The following NRBF2 variants were observed in gnomAD, a reference collection of about 807,000 sequenced individuals.
NRBF2 encodes the protein nuclear receptor binding factor 2, also known as nuclear receptor-binding factor 2.
Under a neutral mutation model 28.5 loss-of-function variants are expected in NRBF2, and 12 were observed. The observed-to-expected ratio is 0.42, with a 90% confidence interval of 0.27 to 0.68. The LOEUF (loss-of-function observed/expected upper bound fraction) is 0.68, where lower values mean the gene tolerates loss of function less well. NRBF2 is among the 30% of genes least tolerant of loss of function. The pLI is 0.24. For synonymous variants in NRBF2, 102 were observed against 116.5 expected (o/e 0.88, Z 0.80); for missense variants, 274 against 333.5 (o/e 0.82, Z 1.39).
Position 63,133,499 on chromosome 10 carries a change from T to C in NRBF2, c.29T>C (p.Leu10Pro), listed in dbSNP as rs1841320981. 2 of 1,608,396 alleles carry C rather than the reference T, an allele frequency of 1.2e-6. No homozygotes were observed. The highest frequency in any genetic ancestry group is 1.7e-6 in the Non-Finnish European group (2 of 1,175,900). MEVMEGPLN[L>P]AHQQSRRADR... is the part of the protein sequence containing the mutation. ...GAAGTAATGGAAGGACCCCTCAACC[T>C]GGTGAGTGTCCCACAGAATATAGCG... Residue 10 changes from leucine (L) to proline (P), a missense_variant and splice_region_variant, in exon 1 of 4, where the codon CTG (leucine) becomes CCG (proline). Coordinates refer to ENST00000277746, the MANE Select transcript of NRBF2 (RefSeq NM_030759.5).
chr10:63,153,259 A>G (rs1262224655), intron 3 of NRBF2, among the ~76,000 whole-genome samples: 1 of 152,228 alleles, frequency 6.6e-6, no homozygotes, highest in Non-Finnish European at 1.5e-5. Flanking sequence ...TAATATGTCT[A>G]CAGAGGAAAG....
At position 63,154,272 on chromosome 10, in the gene NRBF2, C is replaced by T; in HGVS notation, c.*54C>T. 1 of 1,162,124 alleles carries T rather than the reference C, an allele frequency of 8.6e-7. No homozygotes were observed. The highest frequency in any genetic ancestry group is 1.2e-6 in the Non-Finnish European group (1 of 808,854). 72.0% of individuals were successfully genotyped at this position (1,162,124 alleles called of 1,614,324 possible). ...AGGAAATAATACAGTAATCGTTAAT[C>T]CAGCAAAAAGAAATGAAAAGGGAAA... On this transcript the variant is annotated 3_prime_UTR_variant, in exon 4 of 4. Transcript: ENST00000277746.
chr10:63,133,513 C>G lies in NRBF2; in HGVS notation c.30+13C>G. ...ACCCCTCAACCTGGTGAGTGTCCCA[C>G]AGAATATAGCGTTCGTCTTGGGTGC... On this transcript the variant is annotated intron_variant, in intron 1 of 3. Coordinates refer to ENST00000277746, the MANE Select transcript of NRBF2 (RefSeq NM_030759.5). The G allele has an allele frequency of 6.3e-7, 1 of 1,593,636 alleles. No homozygotes were observed. Among genetic ancestry groups the G allele is most frequent in the South Asian group, 1.1e-5 (1 of 90,590 alleles).
chr10:63,134,023 T>TTCCCCCTCCTCACCCTCCACG (rs1841335926), intron 1 of NRBF2, among the ~76,000 whole-genome samples: 1 of 118,556 alleles, frequency 8.4e-6, no homozygotes. Flanking sequence ...CACCCTCCAC[T>TTCCCCCTCCTCACCCTCCACG]TCCCCCTCAT....
chr10:63,142,113 C>G (rs1841478905), intron 1 of NRBF2, among the ~76,000 whole-genome samples: 2 of 151,978 alleles, frequency 1.3e-5, no homozygotes, highest in South Asian at 4.2e-4. Context: ...AATATCCATA[C>G]TAGAAGAAAG....
chr10:63,149,202 C>T (rs1165526622), intron 2 of NRBF2, among the ~76,000 whole-genome samples: 1 of 152,124 alleles, frequency 6.6e-6, no homozygotes, highest in Non-Finnish European at 1.5e-5. Context: ...CTGCAACCTC[C>T]GCCTCCCAGG....
At chr10:63,135,862 G>A (rs901329070) in intron 1 of NRBF2, among the ~76,000 whole-genome samples, 1 of 152,074 alleles carries the variant, frequency 6.6e-6, no homozygotes, top group African/African-American at 2.4e-5. Context: ...GGCCAGGATG[G>A]TCTCGATCTC....
rs1841640214 is a variant in NRBF2 at position 63,151,017 on chromosome 10, C to A, written c.116-1133C>A. ...TCACTGGCTTGCCTGCTGCTCACTT[C>A]CTGCTGTCTGTGTGGCCCAGTTCCT... is the stretch of plus-strand genomic sequence containing the variant. On this transcript the variant is annotated intron_variant, in intron 2 of 3. Transcript: ENST00000277746. 2.0e-5 allele frequency among the ~76,000 whole-genome samples: 3 copies of A among 152,328 alleles called. No individual in the cohort carries two copies. The South Asian group carries it at 6.2e-4, about 32-fold the overall frequency.
At chr10:63,140,233 G>C (rs929103927) in intron 1 of NRBF2, among the ~76,000 whole-genome samples, 2 of 152,032 alleles carry the variant, frequency 1.3e-5, no homozygotes, top group Non-Finnish European at 2.9e-5. Flanking sequence ...TTTACAAAAC[G>C]AATCATCTGT....
At chr10:63,134,936 C>G (rs569555084) in intron 1 of NRBF2, among the ~76,000 whole-genome samples, 11 of 152,134 alleles carry the variant, frequency 7.2e-5, no homozygotes, top group Non-Finnish European at 1.0e-4. Flanking sequence ...GCCTGTAATC[C>G]CAGCACTTTG....
Position 63,148,498 on chromosome 10 carries a change from G to C in NRBF2, c.115+2205G>C, listed in dbSNP as rs562157904. ...TATTTGGAAATCATTTTAGAGATGT[G>C]ACAAGGAAAGATCAACATCTGAGAA... On this transcript the variant is annotated intron_variant, in intron 2 of 3. Transcript: ENST00000277746. 1.6e-3 allele frequency among the ~76,000 whole-genome samples: 247 copies of C among 152,304 alleles called. 3 individuals are homozygous for C. Among genetic ancestry groups the C allele is most frequent in the Middle Eastern group, 3.4e-3 (1 of 294 alleles).
At chr10:63,151,999 GAAGTT>G in intron 2 of NRBF2, 146 bp from the exon 3 acceptor site, 1 of 502,298 alleles carries the variant, frequency 2.0e-6, no homozygotes, top group Non-Finnish European at 3.6e-6. Flanking sequence ...CCTTTTGGGG[GAAGTT>G]AAGAATTCTT....
Position 63,154,300 on chromosome 10 carries a change from C to A in NRBF2, c.*82C>A, listed in dbSNP as rs1834216490. The stretch of plus-strand genomic sequence containing the variant: ...GCAAAAAGAAATGAAAAGGGAAAAC[C>A]ACATAGAAGGGTAATCCCGGAAATG... On this transcript the variant is annotated 3_prime_UTR_variant, in exon 4 of 4. Coordinates refer to ENST00000277746, the MANE Select transcript of NRBF2 (RefSeq NM_030759.5). 1.1e-6 allele frequency: 1 copy of A among 922,392 alleles called. No homozygotes were observed. Among genetic ancestry groups the A allele is most frequent in the Non-Finnish European group, 1.6e-6 (1 of 606,950 alleles). 57.1% of individuals were successfully genotyped at this position (922,392 alleles called of 1,614,324 possible).
At chr10:63,138,572 G>A (rs555128629) in intron 1 of NRBF2, among the ~76,000 whole-genome samples, 7 of 150,882 alleles carry the variant, frequency 4.6e-5, no homozygotes, top group Non-Finnish European at 7.4e-5. Flanking sequence ...GTGAAACCCC[G>A]TCTCTACTAA....
intron 1 of NRBF2, among the ~76,000 whole-genome samples, chr10:63,138,722 C>T (rs35621825): frequency 6.2e-4 from 75 of 120,866 alleles, no homozygotes; most frequent in African/African-American, 1.9e-3. Flanking sequence ...CCAGCCTGGG[C>T]GACAGAGCGA....
At position 63,133,412 on chromosome 10, in the gene NRBF2, C is replaced by T. The variant is rs766309639; in HGVS notation, c.-59C>T. 1.5e-5 allele frequency: 24 copies of T among 1,606,024 alleles called. No individual in the cohort carries two copies. Among genetic ancestry groups the T allele is most frequent in the Middle Eastern group, 1.7e-4 (1 of 6,048 alleles). ...CTGCGTCGAGCTCCCTTGCAGTCCC[C>T]TCCATGTTCCCCGGCGCCACTACTC... On this transcript the variant is annotated 5_prime_UTR_variant, in exon 1 of 4. Coordinates refer to ENST00000277746, the MANE Select transcript of NRBF2 (RefSeq NM_030759.5).
chr10:63,154,457 G>A lies in NRBF2; in HGVS notation c.*239G>A, dbSNP rs548484386. ...CTTGGCAGACGCTAAACTCATGGAG[G>A]TTCGGTTTCTCCTGATACAAACCAA... On this transcript the variant is annotated 3_prime_UTR_variant, in exon 4 of 4. Transcript: ENST00000277746. 5.6e-6 allele frequency: 2 copies of A among 358,900 alleles called. No homozygotes were observed. The highest frequency in any genetic ancestry group is 9.2e-5 in the East Asian group (2 of 21,700). 22.2% of individuals were successfully genotyped at this position (358,900 alleles called of 1,614,324 possible).
At position 63,153,652 on chromosome 10, in the gene NRBF2, A is replaced by G. The variant is rs1419660185; in HGVS notation, c.298A>G (p.Thr100Ala). 1.9e-6 allele frequency: 3 copies of G among 1,611,954 alleles called. No homozygotes were observed. Among genetic ancestry groups the G allele is most frequent in the Non-Finnish European group, 2.5e-6 (3 of 1,179,816 alleles). Residue 100 changes from threonine (T) to alanine (A), a missense_variant, in exon 4 of 4, where the codon ACA becomes GCA. By Grantham distance (58) the Thr-to-Ala change is moderately conservative. Transcript: ENST00000277746. ...TDKDAAAHLQTSHKPSAEDAE... is the reference protein window; with the variant it reads ...TDKDAAAHLQASHKPSAEDAE... Reference sequence around the variant, plus strand: ...CAAGGATGCAGCTGCCCATCTTCAGACATCTCACAAACCCTCTGCAGAGGA... The same window carrying G: ...CAAGGATGCAGCTGCCCATCTTCAGGCATCTCACAAACCCTCTGCAGAGGA...
rs139572307 is a variant in NRBF2, at chr10:63,143,093, T to C, written c.31-3116T>C. ...ACTGCGCCCAGCCTACCCAGTCATT[T>C]CTTGTGACCTATTGTTGTTCCCAGG... On this transcript the variant is annotated intron_variant, in intron 1 of 3. Coordinates refer to ENST00000277746, the MANE Select transcript of NRBF2 (RefSeq NM_030759.5). Among the ~76,000 whole-genome samples, 8 of 152,294 alleles carry C rather than the reference T, an allele frequency of 5.3e-5. 1 individual carries two copies. The highest frequency in any genetic ancestry group is 1.9e-4 in the African/African-American group (8 of 41,580).
Sources: gnomAD v4.1 joint callset for allele counts (sites outside exome capture counted in the v4.1 genomes callset) on GRCh38, gnomAD v4.1.1 for gene constraint, MANE v1.5 for transcripts, NCBI Gene and HGNC (gene_info 2026-07-23, HGNC 2026-07-21) for gene names.